DCC: variants seen among roughly 807,000 people sequenced by gnomAD.
DCC encodes the protein DCC netrin 1 receptor.
In DCC, 58 loss-of-function variants were observed where a neutral mutation model predicts 172.5. That is an observed-to-expected ratio of 0.34 (90% CI 0.27 to 0.42). The LOEUF is 0.42. Among genes scored for constraint, DCC ranks in the 10% least tolerant of loss-of-function variants. The pLI is 1.00. For missense variants in DCC, 1,740 were observed against 1,791.0 expected (o/e 0.97, Z 0.51); for synonymous variants, 709 against 644.5 (o/e 1.10, Z -1.52).
intron 5 of DCC, among the ~76,000 whole-genome samples, chr18:52,927,597 T>C (rs2145495073): frequency 6.6e-6 from 1 of 152,084 alleles, no homozygotes; most frequent in African/African-American, 2.4e-5. Context: ...TTACAATACC[T>C]CTAGTGAACC....
intron 2 of DCC, among the ~76,000 whole-genome samples, chr18:52,775,526 A>G (rs547733946): frequency 2.0e-5 from 3 of 152,306 alleles, no homozygotes; most frequent in East Asian, 1.9e-4. Flanking sequence ...CTCTCAGCCA[A>G]TGGGGGAGCC....
chr18:52,664,470 C>CTTTTTT lies in DCC; in HGVS notation c.92-87579_92-87578insTTTTTT, dbSNP rs74178680. Among the ~76,000 whole-genome samples the CTTTTTT allele has an allele frequency of 5.1e-3, 507 of 99,748 alleles. 9 individuals are homozygous for CTTTTTT. The highest frequency in any genetic ancestry group is 7.2e-3 in the Middle Eastern group (1 of 138). 65.4% of individuals were successfully genotyped at this position (99,748 alleles called of 152,430 possible). A position where few individuals can be genotyped will look rare whatever the true frequency, so the allele number is the denominator to read the frequency against. ...CAAATATCTTTTTTCTTTTCTTTTT[C>CTTTTTT]TTTTTCTTTTTTTTTTTTTTTTGAG... On this transcript the variant is annotated intron_variant, in intron 1 of 28. Coordinates refer to ENST00000442544, the MANE Select transcript of DCC (RefSeq NM_005215.4).
At chr18:53,006,072 A>G (rs2041641374) in intron 5 of DCC, among the ~76,000 whole-genome samples, 1 of 152,170 alleles carries the variant, frequency 6.6e-6, no homozygotes, top group South Asian at 2.1e-4. Context: ...CTATTTTAGC[A>G]TTTTTGCAGT....
chr18:52,480,961 CT>C (rs139113201), intron 1 of DCC, among the ~76,000 whole-genome samples: 8,787 of 151,906 alleles, frequency 0.058, 315 homozygotes, highest in South Asian at 0.12. Context: ...AATTTATTTC[CT>C]TTTTCAAACA....
chr18:52,550,686 A>G (rs2032745574), intron 1 of DCC, among the ~76,000 whole-genome samples: 1 of 152,142 alleles, frequency 6.6e-6, no homozygotes. Context: ...AATACTGCTC[A>G]TGAGGATAGT....
intron 7 of DCC, among the ~76,000 whole-genome samples, chr18:53,111,425 CAAAA>C (rs571379526): frequency 2.2e-5 from 2 of 92,588 alleles, no homozygotes; most frequent in South Asian, 2.8e-4. Context: ...TAAAAAAAGA[CAAAA>C]AAAAGAAAGA....
intron 5 of DCC, among the ~76,000 whole-genome samples, chr18:52,927,167 G>A (rs200959939): frequency 0.22 from 2,233 of 10,230 alleles, 493 homozygotes; most frequent in Middle Eastern, 0.38. Context: ...ACGTATATAT[G>A]TGTATATATG....
chr18:52,951,145 A>C (rs2040640228), intron 5 of DCC, among the ~76,000 whole-genome samples: 1 of 152,006 alleles, frequency 6.6e-6, no homozygotes, highest in Admixed American at 6.6e-5. Context: ...ACGGACCTTG[A>C]GGGTTAGTTT....
chr18:53,468,475 C>G (rs917888600), intron 25 of DCC, among the ~76,000 whole-genome samples: 4 of 151,682 alleles, frequency 2.6e-5, no homozygotes, highest in African/African-American at 7.3e-5. Context: ...TTCCACCTCC[C>G]AGGTTCAAGC....
At chr18:52,957,881 T>C (rs2040772133) in intron 5 of DCC, among the ~76,000 whole-genome samples, 1 of 152,196 alleles carries the variant, frequency 6.6e-6, no homozygotes. Context: ...CAAGATGTCA[T>C]GGATAGTTAT....
chr18:52,552,315 C>T (rs764756229), intron 1 of DCC, among the ~76,000 whole-genome samples: 27 of 152,008 alleles, frequency 1.8e-4, no homozygotes, highest in Non-Finnish European at 3.2e-4. Context: ...ATTGTTATCA[C>T]AGGAAACCTC....
intron 15 of DCC, among the ~76,000 whole-genome samples, chr18:53,381,164 TCAAAC>T (rs909859453): frequency 2.0e-5 from 1 of 51,210 alleles, no homozygotes; most frequent in African/African-American, 5.6e-5. Context: ...AGTTAAAAAT[TCAAAC>T]CAATACAATG....
intron 2 of DCC, among the ~76,000 whole-genome samples, chr18:52,837,171 AT>A (rs2038721701): frequency 6.6e-6 from 1 of 151,848 alleles, no homozygotes; most frequent in Admixed American, 6.6e-5. Flanking sequence ...TTGAAACCAT[AT>A]TTTCCTCCTA....
chr18:52,380,369 AT>A (rs1985532559), intron 1 of DCC, among the ~76,000 whole-genome samples: 1 of 152,100 alleles, frequency 6.6e-6, no homozygotes, highest in Admixed American at 6.6e-5. Context: ...CTGTTTGGTG[AT>A]TCTTAGTATA....
intron 12 of DCC, among the ~76,000 whole-genome samples, chr18:53,230,228 C>T (rs2056101357): frequency 6.6e-6 from 1 of 152,074 alleles, no homozygotes; most frequent in Non-Finnish European, 1.5e-5. Context: ...ATTTATCCTG[C>T]TTACTGTCTA....
At chr18:52,809,712 A>G (rs1319025274) in intron 2 of DCC, among the ~76,000 whole-genome samples, 2 of 152,220 alleles carry the variant, frequency 1.3e-5, no homozygotes, top group Non-Finnish European at 2.9e-5. Flanking sequence ...AACACAGACC[A>G]GAAGAGCGTG....
Position 52,696,869 on chromosome 18 carries a change from G to A in DCC, c.92-55185G>A, listed in dbSNP as rs140237296. ...TGGATCCACAGTTGTCAACACATGGGCTCCTTGCATCAGAAATAAAAGTTA... is the reference window on the plus strand; with the variant it reads ...TGGATCCACAGTTGTCAACACATGGACTCCTTGCATCAGAAATAAAAGTTA... On this transcript the variant is annotated intron_variant, in intron 1 of 28. Transcript: ENST00000442544. Among the ~76,000 whole-genome samples the A allele has an allele frequency of 3.6e-3, 506 of 142,312 alleles. 2 individuals are homozygous for A. Among genetic ancestry groups the A allele is most frequent in the African/African-American group, 0.012 (488 of 39,688 alleles). 93.4% of individuals were successfully genotyped at this position (142,312 alleles called of 152,430 possible). A position where few individuals can be genotyped will look rare whatever the true frequency, so the allele number is the denominator to read the frequency against.
intron 7 of DCC, among the ~76,000 whole-genome samples, chr18:53,104,711 G>A (rs1485681021): frequency 6.6e-6 from 1 of 152,036 alleles, no homozygotes; most frequent in Non-Finnish European, 1.5e-5. Context: ...CTATAGCCAG[G>A]AAATTAATAT....
At chr18:52,438,635 T>C (rs556039229) in intron 1 of DCC, among the ~76,000 whole-genome samples, 1 of 152,230 alleles carries the variant, frequency 6.6e-6, no homozygotes, top group African/African-American at 2.4e-5. Context: ...CAATTCTTTA[T>C]ATAGCTTGAG....
Sources: gnomAD v4.1 joint callset for allele counts (sites outside exome capture counted in the v4.1 genomes callset) on GRCh38, gnomAD v4.1.1 for gene constraint, MANE v1.5 for transcripts, NCBI Gene and HGNC (gene_info 2026-07-23, HGNC 2026-07-21) for gene names.